DCHS2: variants seen among roughly 807,000 people sequenced by gnomAD.
DCHS2 encodes protocadherin-23.
DCHS2 carries 142 observed loss-of-function variants against 182.4 expected under a neutral mutation model. The ratio of observed to expected loss-of-function variants is 0.78; its 90% CI spans 0.68 to 0.89. The LOEUF is 0.89. DCHS2 is among the 40% of genes least tolerant of loss of function. The pLI is 0.00. For synonymous variants in DCHS2, 1,740 were observed against 1,663.3 expected (o/e 1.05, Z -1.12); for missense variants, 4,319 against 4,198.6 (o/e 1.03, Z -0.79).
At chr4:154,365,155 A>G (rs1730291675) in intron 3 of DCHS2, among the ~76,000 whole-genome samples, 1 of 152,200 alleles carries the variant, frequency 6.6e-6, no homozygotes, top group South Asian at 2.1e-4. Context: ...TTACCATTGT[A>G]GAGAACTAAA....
At chr4:154,294,882 T>G (rs1734851523) in intron 13 of DCHS2, among the ~76,000 whole-genome samples, 1 of 152,210 alleles carries the variant, frequency 6.6e-6, no homozygotes, top group African/African-American at 2.4e-5. Context: ...CTGATGACAC[T>G]CAACACTTGA....
chr4:154,249,601 A>G (rs1051558434), intron 16 of DCHS2, among the ~76,000 whole-genome samples: 15 of 152,148 alleles, frequency 9.9e-5, no homozygotes, highest in African/African-American at 3.4e-4. Flanking sequence ...TCATTAGAGC[A>G]AAAAATACAT....
At chr4:154,259,481 C>G in intron 15 of DCHS2, 64 bp downstream of exon 15, 1 of 1,569,540 alleles carries the variant, frequency 6.4e-7, no homozygotes, top group South Asian at 1.2e-5. Context: ...TTCTCTCTCT[C>G]TCTCTCACAC....
At chr4:154,436,557 T>C (rs1349356855) in intron 1 of DCHS2, among the ~76,000 whole-genome samples, 1 of 152,202 alleles carries the variant, frequency 6.6e-6, no homozygotes, top group African/African-American at 2.4e-5. Flanking sequence ...ATGGTTTATT[T>C]AAAAATCCTT....
intron 14 of DCHS2, among the ~76,000 whole-genome samples, chr4:154,263,684 T>C (rs1244433311): frequency 1.3e-5 from 2 of 148,184 alleles, no homozygotes; most frequent in African/African-American, 5.0e-5. Flanking sequence ...GTGGCCATTA[T>C]TGAAAAAAAA....
chr4:154,487,568 T>C (rs1056897124), intron 1 of DCHS2, among the ~76,000 whole-genome samples: 1 of 152,204 alleles, frequency 6.6e-6, no homozygotes, highest in African/African-American at 2.4e-5. Flanking sequence ...AAGAAAGGGA[T>C]GGAGATTATT....
chr4:154,378,508 G>T (rs142977656), intron 1 of DCHS2, among the ~76,000 whole-genome samples: 1 of 102,712 alleles, frequency 9.7e-6, no homozygotes, highest in East Asian at 2.6e-4. Flanking sequence ...TGGGAAGGAA[G>T]GAAGGAAGGA....
chr4:154,425,096 A>C (rs1733267915), intron 1 of DCHS2, among the ~76,000 whole-genome samples: 1 of 152,172 alleles, frequency 6.6e-6, no homozygotes, highest in Non-Finnish European at 1.5e-5. Flanking sequence ...CGGCCAAATA[A>C]CAGGTGACAG....
intron 16 of DCHS2, among the ~76,000 whole-genome samples, chr4:154,245,206 C>T (rs369519418): frequency 6.6e-6 from 1 of 152,124 alleles, no homozygotes; most frequent in South Asian, 2.1e-4. Flanking sequence ...GACTTCAAGC[C>T]ATCTATGATG....
chr4:154,390,012 A>G (rs1193899722), intron 1 of DCHS2, among the ~76,000 whole-genome samples: 2 of 152,206 alleles, frequency 1.3e-5, no homozygotes, highest in African/African-American at 4.8e-5. Context: ...CTGGCACTTC[A>G]ACATCTTTTT....
chr4:154,334,956 C>T lies in DCHS2; in HGVS notation c.2625G>A (p.Glu875=). The T allele has an allele frequency of 6.2e-7, 1 of 1,614,200 alleles. No homozygotes were observed. Among genetic ancestry groups the T allele is most frequent in the South Asian group, 1.1e-5 (1 of 91,086 alleles). The change falls in exon 4 of 20, where the codon GAG becomes GAA. Residue 875 remains glutamate, a synonymous_variant. Transcript: ENST00000357232. ...AGAAAGTGTACTTAGGCCTTTCAAA[C>T]TCAGCAGGTGCCAGAGTTGTCTGGA... ...HIFQTTLAPA[E]FERPKYTFLV... is the part of the protein sequence containing the mutation.
In DCHS2 at chr4:154,305,112, C is replaced by A. The variant is rs374085013; in HGVS notation, c.5380G>T (p.Val1794Phe). The change falls in exon 11 of 20, where the codon GTC (valine) becomes TTC (phenylalanine). Residue 1794 changes from valine (V) to phenylalanine (F), a missense_variant. Val to Phe is a conservative substitution (Grantham distance 50, BLOSUM62 -1). Transcript: ENST00000357232. Reference protein sequence around the residue: ...TTILDREIQEVFTLRVLVRDG... With the variant: ...TTILDREIQEFFTLRVLVRDG... ...AATCCCTTACCTCGAAGGGTGAAGA[C>A]TTCTTGAATTTCTCTGTCAAGTATG... The A allele has an allele frequency of 1.4e-5, 23 of 1,610,222 alleles. No homozygotes were observed. Among genetic ancestry groups the A allele is most frequent in the Non-Finnish European group, 2.0e-5 (23 of 1,178,964 alleles).
intron 13 of DCHS2, 46 bp from the exon 14 acceptor site, chr4:154,270,059 T>A (rs780274176): frequency 6.4e-7 from 1 of 1,556,652 alleles, no homozygotes; most frequent in Non-Finnish European, 8.6e-7. Context: ...ATAAAAAAAT[T>A]TCATGGAAAC....
chr4:154,400,687 A>C (rs2110870825), intron 1 of DCHS2, among the ~76,000 whole-genome samples: 1 of 152,280 alleles, frequency 6.6e-6, no homozygotes, highest in South Asian at 2.1e-4. Context: ...AACTTCCTTA[A>C]AATCTGCCTT....
At chr4:154,457,673 A>G (rs1225208661) in intron 1 of DCHS2, among the ~76,000 whole-genome samples, 1 of 152,220 alleles carries the variant, frequency 6.6e-6, no homozygotes, top group Non-Finnish European at 1.5e-5. Flanking sequence ...GGCTTATAAC[A>G]GGGTGAGCTG....
chr4:154,268,235 C>CA (rs1398519346), intron 14 of DCHS2, among the ~76,000 whole-genome samples: 1 of 129,908 alleles, frequency 7.7e-6, no homozygotes, highest in Non-Finnish European at 1.7e-5. Context: ...CACTTTCCCC[C>CA]CCCCAAAAAA....
At chr4:154,376,591 A>G (rs1478885974) in intron 2 of DCHS2, among the ~76,000 whole-genome samples, 3 of 152,218 alleles carry the variant, frequency 2.0e-5, no homozygotes, top group Non-Finnish European at 1.5e-5. Context: ...TAAATGCAAA[A>G]GGAATAATAG....
In DCHS2 at chr4:154,433,464, C is replaced by T. The variant is rs1193999928; in HGVS notation, c.2052+55840G>A. Among the ~76,000 whole-genome samples the T allele has an allele frequency of 6.6e-5, 9 of 135,604 alleles. No homozygotes were observed. The East Asian group carries it at 1.6e-3, about 25-fold the overall frequency. The allele number at this position is 135,604 out of a possible 152,430, so 89.0% of individuals were successfully genotyped here. Reference sequence around the variant, plus strand: ...GGCTGGAGTGCAGTGGCGTGATCTCCGCTCACTGCAACCTCTGCTTCCCGT... The same window carrying T: ...GGCTGGAGTGCAGTGGCGTGATCTCTGCTCACTGCAACCTCTGCTTCCCGT... On this transcript the variant is annotated intron_variant, in intron 1 of 19. Coordinates refer to ENST00000357232, the MANE Select transcript of DCHS2 (RefSeq NM_001358235.2).
intron 3 of DCHS2, among the ~76,000 whole-genome samples, chr4:154,343,846 T>A (rs892997428): frequency 2.0e-5 from 3 of 152,246 alleles, no homozygotes; most frequent in African/African-American, 7.2e-5. Context: ...ACAATTCGGA[T>A]AACTGTGCAA....
Sources: allele counts gnomAD v4.1 joint callset (sites outside exome capture counted in the v4.1 genomes callset), GRCh38; gene constraint gnomAD v4.1.1; transcripts MANE v1.5; gene names NCBI Gene and HGNC (gene_info 2026-07-23, HGNC 2026-07-21).